LDB3: variants seen among roughly 807,000 people sequenced by gnomAD.
LDB3 encodes LIM domain binding 3, also known as LIM domain-binding protein 3.
In LDB3, 49 loss-of-function variants were observed where a neutral mutation model predicts 69.0. The observed-to-expected ratio is 0.71, with a 90% CI of 0.56 to 0.90. The LOEUF (loss-of-function observed/expected upper bound fraction) is 0.90, where lower values mean the gene tolerates loss of function less well. Ranked by LOEUF, LDB3 falls within the 40% of genes least tolerant of loss-of-function variation. The pLI, the probability that LDB3 is intolerant of heterozygous loss-of-function variation, is 0.00. For missense variants in LDB3, 928 were observed against 974.1 expected, an observed-to-expected ratio of 0.95 and a Z score of 0.63; for synonymous variants, 387 against 396.2, an observed-to-expected ratio of 0.98 and a Z score of 0.28.
chr10:86,673,365 T>TGTGTGTGAGCAGGTGGGAGGCA (rs1844592118), intron 2 of LDB3, among the ~76,000 whole-genome samples: 1 of 152,120 alleles, frequency 6.6e-6, no homozygotes, highest in Non-Finnish European at 1.5e-5. Flanking sequence ...GGCAGACGGC[T>TGTGTGTGAGCAGGTGGGAGGCA]GTGTGTGAGC....
intron 13 of LDB3, 84 bp from the exon 14 acceptor site, chr10:86,732,803 C>T: frequency 9.2e-7 from 1 of 1,092,606 alleles, no homozygotes; most frequent in Non-Finnish European, 1.4e-6. Context: ...CACGCCTGGC[C>T]AGGGCGTTTT....
chr10:86,728,851 A>G (rs369544087), intron 13 of LDB3, among the ~76,000 whole-genome samples: 2 of 152,056 alleles, frequency 1.3e-5, no homozygotes, highest in East Asian at 3.9e-4. Context: ...AAGTGCTGGG[A>G]TTACAGGTGT....
intron 2 of LDB3, among the ~76,000 whole-genome samples, chr10:86,671,838 C>T (rs944806109): frequency 2.0e-5 from 3 of 152,178 alleles, no homozygotes; most frequent in African/African-American, 7.2e-5. Context: ...GCAGGCTGGG[C>T]GCGGTGCCTC....
At position 86,734,223 on chromosome 10, in the gene LDB3, T is replaced by C. The variant is rs1326876149; in HGVS notation, c.*1247T>C. On this transcript the variant is annotated 3_prime_UTR_variant, in exon 14 of 14. Coordinates refer to ENST00000361373, the MANE Select transcript of LDB3 (RefSeq NM_007078.3). ...GCTGTTTTGGCCAATATTTTGAAAA[T>C]GTATGAGCTGAGTTGATCTAGCTAT... 6.6e-6 allele frequency: 1 copy of C among 152,190 alleles called. No individual in the cohort carries two copies. The highest frequency in any genetic ancestry group is 2.4e-5 in the African/African-American group (1 of 41,456). 9.4% of individuals were successfully genotyped at this position (152,190 alleles called of 1,614,324 possible).
At chr10:86,689,657 A>G (rs906654815) in intron 5 of LDB3, among the ~76,000 whole-genome samples, 3 of 152,216 alleles carry the variant, frequency 2.0e-5, no homozygotes, top group Non-Finnish European at 4.4e-5. Flanking sequence ...ATTCAGGGCT[A>G]GAAGGTGACA....
At chr10:86,669,299 C>T (rs1164983135) in intron 2 of LDB3, among the ~76,000 whole-genome samples, 1 of 150,520 alleles carries the variant, frequency 6.6e-6, no homozygotes, top group Non-Finnish European at 1.5e-5. Context: ...TGGGCACCTG[C>T]TCCATCCCAA....
At chr10:86,718,633 T>C (rs1846962554) in intron 11 of LDB3, 94 bp from the exon 12 acceptor site, 5 of 1,546,004 alleles carry the variant, frequency 3.2e-6, no homozygotes, top group African/African-American at 1.4e-5. Context: ...CCCTGTTCCC[T>C]GGTAGGATGC....
At chr10:86,672,592 C>T (rs1040445819) in intron 2 of LDB3, among the ~76,000 whole-genome samples, 11 of 151,948 alleles carry the variant, frequency 7.2e-5, no homozygotes, top group African/African-American at 2.4e-4. Flanking sequence ...GGCAAGCCTC[C>T]GAGGGCTTCA....
At chr10:86,711,849 G>A (rs1218516366) in intron 9 of LDB3, among the ~76,000 whole-genome samples, 1 of 150,192 alleles carries the variant, frequency 6.7e-6, no homozygotes, top group African/African-American at 2.4e-5. Flanking sequence ...AGGCGCTTGC[G>A]GAGAGCCGGG....
intron 3 of LDB3, among the ~76,000 whole-genome samples, 191 bp from the exon 4 acceptor site, chr10:86,679,891 C>T (rs906776194): frequency 2.2e-4 from 33 of 152,196 alleles, no homozygotes; most frequent in African/African-American, 7.7e-4. Flanking sequence ...TCTCCATCCT[C>T]GTCGGGCCCA....
rs12219069 is a variant in LDB3 at position 86,719,131 on chromosome 10, G to T, written c.1978+284G>T. 0.037 allele frequency among the ~76,000 whole-genome samples: 5,656 copies of T among 152,198 alleles called. 199 individuals carry two copies. The highest frequency in any genetic ancestry group is 0.088 in the African/African-American group (3,645 of 41,512). On this transcript the variant is annotated intron_variant, in intron 12 of 13. Transcript: ENST00000361373. ...TATGTGGATCTGGTTAGGTGAGGTG[G>T]CTCACACCTTAATCCCAGCACTTTG...
intron 8 of LDB3, 150 bp downstream of exon 8, chr10:86,706,869 T>C (rs1846465211): frequency 1.2e-6 from 1 of 813,554 alleles, no homozygotes; most frequent in Non-Finnish European, 1.9e-6. Context: ...GTGCAGAGTG[T>C]GAAGGGGAAA....
intron 7 of LDB3, among the ~76,000 whole-genome samples, chr10:86,697,215 C>CTTTTTTTTTTTTTTTTTTTTTTTTT (rs34215720): frequency 1.3e-5 from 1 of 77,782 alleles, no homozygotes; most frequent in Non-Finnish European, 2.3e-5. Context: ...TAGCAATTCA[C>CTTTTTTTTTTTTTTTTTTTTTTTTT]TTTTTTTTTT....
intron 12 of LDB3, among the ~76,000 whole-genome samples, chr10:86,722,165 C>T (rs942832048): frequency 3.3e-5 from 5 of 152,242 alleles, no homozygotes; most frequent in African/African-American, 4.8e-5. Flanking sequence ...TAAAACAAAG[C>T]GATAATTCTC....
At chr10:86,677,716 C>T (rs116890421) in intron 2 of LDB3, among the ~76,000 whole-genome samples, 4,869 of 152,284 alleles carry the variant, frequency 0.032, 184 homozygotes, top group Admixed American at 0.12. Context: ...CCCGCACCTG[C>T]ACCCTGCCTT....
At chr10:86,691,781 A>G in intron 5 of LDB3, 115 bp from the exon 6 acceptor site, 2 of 1,207,678 alleles carry the variant, frequency 1.7e-6, no homozygotes, top group Non-Finnish European at 1.2e-6. Context: ...CAATGGATAA[A>G]GGCAAGGTGG....
intron 5 of LDB3, 93 bp from the exon 6 acceptor site, chr10:86,691,803 T>C: frequency 7.1e-7 from 1 of 1,415,686 alleles, no homozygotes; most frequent in Non-Finnish European, 1.0e-6. Context: ...GACAGAACGA[T>C]AGGGGCCACC....
intron 9 of LDB3, among the ~76,000 whole-genome samples, chr10:86,716,038 C>G (rs1312670795): frequency 2.6e-5 from 4 of 150,996 alleles, no homozygotes; most frequent in African/African-American, 9.7e-5. Context: ...CTTGGGCAGT[C>G]AAGGCCTGGC....
intron 5 of LDB3, chr10:86,687,049 C>T (rs1189615395): frequency 6.2e-7 from 1 of 1,612,634 alleles, no homozygotes. Flanking sequence ...CCTGCCCGTA[C>T]TCCCGCACCC....
Sources: allele counts gnomAD v4.1 joint callset (sites outside exome capture counted in the v4.1 genomes callset), GRCh38; gene constraint gnomAD v4.1.1; transcripts MANE v1.5; gene names NCBI Gene and HGNC (gene_info 2026-07-23, HGNC 2026-07-21).